The following ADGRF5 variants were observed in gnomAD, a reference collection of about 807,000 sequenced individuals.
ADGRF5 encodes adhesion G protein-coupled receptor F5.
ADGRF5 carries 75 observed loss-of-function variants against 132.3 expected under a neutral mutation model. The ratio of observed to expected loss-of-function variants is 0.57; its 90% CI spans 0.47 to 0.69. The LOEUF (loss-of-function observed/expected upper bound fraction) is 0.69, where lower values mean the gene tolerates loss of function less well. ADGRF5 is among the 30% of genes least tolerant of loss of function. The probability of loss-of-function intolerance (pLI) is 0.00; values close to 1 mark genes in which losing one functional copy is unlikely to be tolerated. For synonymous variants in ADGRF5, 629 were observed against 597.6 expected (o/e 1.05, Z -0.77); for missense variants, 1,516 against 1,630.6 (o/e 0.93, Z 1.21).
At chr6:46,920,189 A>G (rs1345593707) in intron 1 of ADGRF5, among the ~76,000 whole-genome samples, 1 of 152,192 alleles carries the variant, frequency 6.6e-6, no homozygotes, top group African/African-American at 2.4e-5. Flanking sequence ...GATGCCCTTC[A>G]AGGGAAAAGC....
intron 1 of ADGRF5, among the ~76,000 whole-genome samples, chr6:46,929,529 T>C (rs1777449731): frequency 1.3e-5 from 1 of 79,744 alleles, no homozygotes; most frequent in Non-Finnish European, 2.4e-5. Flanking sequence ...AAAAAGAAAG[T>C]AAAAAGATGA....
chr6:46,927,201 G>C (rs1292824460), intron 1 of ADGRF5, among the ~76,000 whole-genome samples: 1 of 149,636 alleles, frequency 6.7e-6, no homozygotes, highest in African/African-American at 2.5e-5. Context: ...GGCGATTAGT[G>C]AACAGTCATA....
At chr6:46,854,143 G>A (rs1768772418) in intron 20 of ADGRF5, 72 bp from the exon 21 acceptor site, 2 of 1,048,166 alleles carry the variant, frequency 1.9e-6, no homozygotes, top group South Asian at 1.6e-5. Flanking sequence ...CATCTCCTAA[G>A]GGACCCAGGG....
intron 1 of ADGRF5, among the ~76,000 whole-genome samples, chr6:46,949,393 G>C (rs891711706): frequency 2.6e-5 from 4 of 152,168 alleles, no homozygotes; most frequent in Non-Finnish European, 2.9e-5. Flanking sequence ...GATGTGTATA[G>C]GGTCTACCTA....
At chr6:46,877,288 T>TC (rs1771850087) in intron 10 of ADGRF5, among the ~76,000 whole-genome samples, 1 of 48,022 alleles carries the variant, frequency 2.1e-5, no homozygotes, top group African/African-American at 9.0e-5. Context: ...TCTTTCTTTC[T>TC]TTCTCTCTCT....
chr6:46,946,908 T>G (rs2113841197), intron 1 of ADGRF5, among the ~76,000 whole-genome samples: 1 of 152,346 alleles, frequency 6.6e-6, no homozygotes, highest in South Asian at 2.1e-4. Flanking sequence ...TAAAGATGTC[T>G]CTGGGGATAA....
chr6:46,946,880 A>G lies in ADGRF5; in HGVS notation c.-25+7854T>C, dbSNP rs115296359. On this transcript the variant is annotated intron_variant, in intron 1 of 20. Coordinates refer to the ADGRF5 transcript ENST00000265417. ...GGCTTCGCTAGTGCTTGGAGATTTAAGGACGGTGAAGACACCATAAAGATG... is the reference window on the plus strand; with the variant it reads ...GGCTTCGCTAGTGCTTGGAGATTTAGGGACGGTGAAGACACCATAAAGATG... Among the ~76,000 whole-genome samples the G allele has an allele frequency of 2.7e-3, 404 of 152,318 alleles. 2 individuals are homozygous for G. Among genetic ancestry groups the G allele is most frequent in the African/African-American group, 9.3e-3 (385 of 41,574 alleles).
chr6:46,953,870 T>C (rs1169282866), intron 1 of ADGRF5, among the ~76,000 whole-genome samples: 1 of 151,766 alleles, frequency 6.6e-6, no homozygotes, highest in Non-Finnish European at 1.5e-5. Context: ...GTATGAATTG[T>C]TTGATATTCC....
At chr6:46,876,702 C>G (rs887650689) in intron 10 of ADGRF5, among the ~76,000 whole-genome samples, 10 of 152,146 alleles carry the variant, frequency 6.6e-5, no homozygotes, top group Admixed American at 6.5e-4. Context: ...CTCTCGGGTT[C>G]AAGTGATTCT....
chr6:46,883,767 AGTCTCCCTCT>A, intron 5 of ADGRF5, 102 bp from the exon 6 acceptor site: 1 of 671,470 alleles, frequency 1.5e-6, no homozygotes, highest in Non-Finnish European at 2.5e-6. Context: ...TTTCAGATGG[AGTCTCCCTCT>A]GTCTCCCAGG....
At chr6:46,900,908 T>C (rs1297363738) in intron 2 of ADGRF5, among the ~76,000 whole-genome samples, 2 of 152,224 alleles carry the variant, frequency 1.3e-5, no homozygotes, top group African/African-American at 4.8e-5. Context: ...CATCATAAAA[T>C]GTCTGTATGA....
Position 46,859,481 on chromosome 6 carries a change from A to T in ADGRF5, c.2422T>A (p.Leu808Met). ...TGTTGTAAAACCTTCCAGGTGTTCA[A>T]GACGGGCTTGCCAAGGATGACATTA... ...TVNVILGKPV[L>M]NTWKVLQQQW... is the part of the protein sequence containing the mutation. The change falls in exon 17 of 21, where the codon TTG becomes ATG. Residue 808 changes from leucine (L) to methionine (M), a missense_variant. Transcript: ENST00000283296. 2 of 1,613,600 alleles carry T rather than the reference A, an allele frequency of 1.2e-6. No homozygotes were observed. The highest frequency in any genetic ancestry group is 1.7e-6 in the Non-Finnish European group (2 of 1,179,596).
intron 11 of ADGRF5, chr6:46,869,403 G>T: frequency 1.0e-6 from 1 of 985,284 alleles, no homozygotes; most frequent in Non-Finnish European, 1.2e-6. Context: ...CAAACTTAGG[G>T]GTGTCGCCTT....
chr6:46,954,474 C>A (rs996024594), intron 1 of ADGRF5, among the ~76,000 whole-genome samples: 3 of 151,680 alleles, frequency 2.0e-5, no homozygotes, highest in Non-Finnish European at 4.4e-5. Flanking sequence ...GATTTGCACT[C>A]CAAAGAAAAT....
chr6:46,895,274 A>T (rs1018629207), intron 3 of ADGRF5, among the ~76,000 whole-genome samples: 2 of 152,106 alleles, frequency 1.3e-5, no homozygotes, highest in African/African-American at 4.8e-5. Flanking sequence ...GAAAAATTTT[A>T]AAAAAGCAAA....
intron 6 of ADGRF5, 98 bp from the exon 7 acceptor site, chr6:46,882,205 A>G: frequency 1.2e-6 from 1 of 821,560 alleles, no homozygotes; most frequent in Non-Finnish European, 2.1e-6. Context: ...TCCTAATCAC[A>G]CTAGGTAAAA....
Position 46,871,912 on chromosome 6 carries a change from T to C in ADGRF5, c.1342A>G (p.Thr448Ala), listed in dbSNP as rs895519556. The change falls in exon 11 of 21, where the codon ACT (threonine) becomes GCT (alanine). Residue 448 changes from threonine to alanine, a missense_variant. Physicochemically the swap from Thr to Ala is moderately conservative, Grantham distance 58 (BLOSUM62 0). Around this residue, in one of 2 missense-constraint regions of ADGRF5, gnomAD observed 945 missense variants for 929.4 expected, o/e 1.02. Coordinates refer to ENST00000283296, the MANE Select transcript of ADGRF5 (RefSeq NM_001098518.2). ...SGSSGTTVIY[T>A]CEFISAYGAR... The stretch of plus-strand genomic sequence containing the variant: ...CCATAGGCACTGATGAACTCACAAG[T>C]GTAGATGACTGTTGTTCCAGACGAC... 1.2e-6 allele frequency: 2 copies of C among 1,613,188 alleles called. No homozygotes were observed. Among genetic ancestry groups the C allele is most frequent in the Admixed American group, 1.7e-5 (1 of 59,976 alleles).
At chr6:46,854,713 A>G (rs1350677848) in intron 20 of ADGRF5, 4 of 1,283,572 alleles carry the variant, frequency 3.1e-6, no homozygotes, top group Admixed American at 4.6e-5. Flanking sequence ...TGCCCACCCT[A>G]CCATCAGATT....
At chr6:46,884,703 C>A (rs1385537884) in intron 4 of ADGRF5, among the ~76,000 whole-genome samples, 3 of 152,176 alleles carry the variant, frequency 2.0e-5, no homozygotes, top group Non-Finnish European at 4.4e-5. Context: ...GATGGTATGG[C>A]ACTTCTGAGA....
Sources: gnomAD v4.1 joint callset for allele counts (sites outside exome capture counted in the v4.1 genomes callset) on GRCh38, gnomAD v4.1.1 for gene constraint, gnomAD v4.1.1 regional missense constraint, MANE v1.5 for transcripts, NCBI Gene and HGNC (gene_info 2026-07-23, HGNC 2026-07-21) for gene names.